Variants in TFEC observed in about 807,000 individuals in gnomAD.
TFEC encodes transcription factor EC.
A neutral mutation model predicts 41.6 loss-of-function variants in TFEC; 31 were observed. The ratio of observed to expected loss-of-function variants is 0.74; its 90% CI spans 0.56 to 1.01. The LOEUF is 1.01. Ranked by LOEUF, TFEC falls within the 50% of genes least tolerant of loss-of-function variation. The pLI is 0.00. For missense variants in TFEC, 402 were observed against 404.1 expected, an observed-to-expected ratio of 0.99 and a Z score of 0.04; for synonymous variants, 143 against 140.6, an observed-to-expected ratio of 1.02 and a Z score of -0.12.
At chr7:116,121,410 AG>A (rs1405214198) in intron 1 of TFEC, 3 of 151,966 alleles carry the variant, frequency 2.0e-5, no homozygotes, top group Non-Finnish European at 4.4e-5. Flanking sequence ...GGAAGGAGGG[AG>A]AAATGGGGAG....
At chr7:116,063,293 C>T (rs1242688118) in intron 3 of TFEC, among the ~76,000 whole-genome samples, 1 of 152,022 alleles carries the variant, frequency 6.6e-6, no homozygotes, top group Non-Finnish European at 1.5e-5. Context: ...TGCAAAGGTT[C>T]AGGAAAAAAG....
chr7:116,142,646 T>C (rs541805065), intron 1 of TFEC, among the ~76,000 whole-genome samples: 13 of 152,208 alleles, frequency 8.5e-5, no homozygotes, highest in East Asian at 3.9e-4. Context: ...CTTTTTCTCA[T>C]GTGCCCAGAG....
chr7:116,116,645 C>T (rs1394593350), intron 1 of TFEC, among the ~76,000 whole-genome samples: 1 of 151,918 alleles, frequency 6.6e-6, no homozygotes, highest in East Asian at 1.9e-4. Flanking sequence ...TGCACAGTGC[C>T]TGTAAGGCCC....
At chr7:115,982,412 C>A (rs1793668723) in intron 2 of TFEC, among the ~76,000 whole-genome samples, 1 of 152,196 alleles carries the variant, frequency 6.6e-6, no homozygotes, top group South Asian at 2.1e-4. Flanking sequence ...TGCCTTGAGT[C>A]AGACTCCAAG....
chr7:115,959,934 T>C (rs1792444598), intron 3 of TFEC, among the ~76,000 whole-genome samples: 1 of 151,506 alleles, frequency 6.6e-6, no homozygotes, highest in South Asian at 2.1e-4. Flanking sequence ...GAAGAAAGAA[T>C]TTTTTAAAGT....
Position 115,942,055 on chromosome 7 carries a change from G to A in TFEC, c.516-15C>T. On this transcript the variant is annotated splice_polypyrimidine_tract_variant and intron_variant, in intron 6 of 7. Transcript: ENST00000265440. ...AGCGCATATCACTGTAGAATGGAGA[G>A]ATAACCTTTTCACAATTGTGCATGT... 4.4e-6 allele frequency: 7 copies of A among 1,595,086 alleles called. No homozygotes were observed. The highest frequency in any genetic ancestry group is 6.0e-6 in the Non-Finnish European group (7 of 1,170,254).
chr7:115,951,153 C>T (rs1211063807), intron 5 of TFEC, among the ~76,000 whole-genome samples: 3 of 152,040 alleles, frequency 2.0e-5, no homozygotes, highest in African/African-American at 7.2e-5. Flanking sequence ...CTATGATTTA[C>T]ACTGTTTTAA....
chr7:115,981,966 G>A lies in TFEC; in HGVS notation c.180+2296C>T, dbSNP rs189422758. Among the ~76,000 whole-genome samples, 3 of 152,214 alleles carry A rather than the reference G, an allele frequency of 2.0e-5. No homozygotes were observed. The East Asian group carries it at 5.8e-4, about 29-fold the overall frequency. On this transcript the variant is annotated intron_variant, in intron 2 of 7. Coordinates refer to ENST00000265440, the MANE Select transcript of TFEC (RefSeq NM_012252.4). ...CAGGTGCAAGGGTTAAGTGCAGAAG[G>A]GTCCATGTGCTATGGGTAGAAGTTT...
chr7:116,147,177 A>G (rs1798659057), intron 1 of TFEC, among the ~76,000 whole-genome samples: 1 of 152,216 alleles, frequency 6.6e-6, no homozygotes. Flanking sequence ...ATGTAGAAGA[A>G]ATATTCACAA....
chr7:115,994,152 T>C (rs1190421944), intron 1 of TFEC, among the ~76,000 whole-genome samples: 2 of 152,168 alleles, frequency 1.3e-5, no homozygotes, highest in African/African-American at 2.4e-5. Flanking sequence ...TGGCTAGCCA[T>C]ATGTAGAAAG....
chr7:115,968,515 A>G (rs1156260028), intron 3 of TFEC, among the ~76,000 whole-genome samples: 1 of 151,878 alleles, frequency 6.6e-6, no homozygotes, highest in African/African-American at 2.4e-5. Flanking sequence ...GCATTTACAG[A>G]CACTTGATTG....
At chr7:116,048,028 G>T (rs1418346432) in intron 3 of TFEC, among the ~76,000 whole-genome samples, 1 of 152,120 alleles carries the variant, frequency 6.6e-6, no homozygotes, top group Non-Finnish European at 1.5e-5. Context: ...CACAAAGATG[G>T]GGAGAAACCA....
intron 1 of TFEC, among the ~76,000 whole-genome samples, chr7:116,027,816 T>C (rs1019366271): frequency 6.6e-6 from 1 of 152,148 alleles, no homozygotes; most frequent in Non-Finnish European, 1.5e-5. Context: ...GGAATGAACA[T>C]TAGGAGGCAT....
chr7:115,998,570 T>C (rs969062069), intron 1 of TFEC, among the ~76,000 whole-genome samples: 13 of 150,978 alleles, frequency 8.6e-5, no homozygotes, highest in Admixed American at 2.6e-4. Context: ...CACAACAATC[T>C]GTAGTCTATA....
Position 115,936,057 on chromosome 7 carries a change from T to G in TFEC, c.*4494A>C, listed in dbSNP as rs1246016615. On this transcript the variant is annotated 3_prime_UTR_variant, in exon 8 of 8. Coordinates refer to ENST00000265440, the MANE Select transcript of TFEC (RefSeq NM_012252.4). ...ATCTCTATGGACCTCAGAGGGAAAA[T>G]GTAGCACTGAAAATTTTAAGAAAAG... 1.3e-5 allele frequency: 2 copies of G among 151,602 alleles called. No individual in the cohort carries two copies. Among genetic ancestry groups the G allele is most frequent in the Non-Finnish European group, 3.0e-5 (2 of 67,604 alleles). The allele number at this position is 151,602 out of a possible 1,614,324, so 9.4% of individuals were successfully genotyped here.
intron 3 of TFEC, among the ~76,000 whole-genome samples, chr7:116,096,909 G>A (rs971645276): frequency 1.3e-5 from 2 of 151,986 alleles, no homozygotes; most frequent in Non-Finnish European, 2.9e-5. Flanking sequence ...GGCCATCATG[G>A]TGAAACCCCA....
chr7:115,982,752 G>T (rs910433483), intron 2 of TFEC, among the ~76,000 whole-genome samples: 13 of 152,076 alleles, frequency 8.5e-5, no homozygotes, highest in African/African-American at 3.1e-4. Flanking sequence ...GAGATTATTT[G>T]ATTGAGAGCA....
intron 1 of TFEC, among the ~76,000 whole-genome samples, chr7:116,115,378 G>A (rs1464098326): frequency 2.0e-5 from 3 of 152,004 alleles, no homozygotes; most frequent in African/African-American, 7.2e-5. Flanking sequence ...AAGTCAAGAT[G>A]TCAGCAGGAT....
chr7:116,093,450 C>A (rs1562966678), intron 3 of TFEC, among the ~76,000 whole-genome samples: 1 of 152,184 alleles, frequency 6.6e-6, no homozygotes, highest in East Asian at 1.9e-4. Context: ...ACTGAAAATG[C>A]AAAATTTGAG....
Sources: allele counts gnomAD v4.1 joint callset (sites outside exome capture counted in the v4.1 genomes callset), GRCh38; gene constraint gnomAD v4.1.1; transcripts MANE v1.5; gene names NCBI Gene and HGNC (gene_info 2026-07-23, HGNC 2026-07-21).